Variants in HELZ2 observed in about 807,000 individuals in gnomAD.
The protein encoded by HELZ2 is 3'-5' exoribonuclease HELZ2.
Under a neutral mutation model 208.8 loss-of-function variants are expected in HELZ2, and 143 were observed. The ratio of observed to expected loss-of-function variants is 0.68; its 90% CI spans 0.60 to 0.79. The LOEUF (loss-of-function observed/expected upper bound fraction) is 0.79. Among genes scored for constraint, HELZ2 ranks in the 30% least tolerant of loss-of-function variants. HELZ2 has a pLI of 0.00. For missense variants in HELZ2, 3,690 were observed against 3,794.5 expected (o/e 0.97, Z 0.72); for synonymous variants, 1,705 against 1,693.7 (o/e 1.01, Z -0.16).
exon 8 of HELZ2, chr20:63,564,769 G>A: frequency 6.2e-7 from 1 of 1,612,010 alleles, no homozygotes; most frequent in South Asian, 1.1e-5. Flanking sequence ...CATCGAGGTT[G>A]CAGGCGCCCT....
chr20:63,562,938 C>A, exon 8 of HELZ2: 1 of 1,591,730 alleles, frequency 6.3e-7, no homozygotes, highest in South Asian at 1.1e-5. Flanking sequence ...GTGACGGAGT[C>A]ATTCTCGGCA....
intron 6 of HELZ2, among the ~76,000 whole-genome samples, 177 bp downstream of exon 7, chr20:63,566,667 C>A (rs1486367132): frequency 1.3e-5 from 2 of 152,126 alleles, no homozygotes; most frequent in African/African-American, 2.4e-5. Context: ...GAGACGGCAC[C>A]CCCACCAAGC....
At chr20:63,568,516 C>A in exon 5 of HELZ2, 2 of 1,583,098 alleles carry the variant, frequency 1.3e-6, no homozygotes, top group Non-Finnish European at 1.7e-6. Context: ...CCGCGATGAG[C>A]GCCACGGCCA....
chr20:63,564,305 AAGCAGTCGGACC>A (rs2082923710), exon 8 of HELZ2: 3 of 1,604,216 alleles, frequency 1.9e-6, no homozygotes, highest in Non-Finnish European at 2.5e-6. Context: ...CTGCTCATAG[AAGCAGTCGGACC>A]GCAGGCGGTG....
At chr20:63,567,278 C>A (rs2082972413) in exon 6 of HELZ2, 1 of 1,609,398 alleles carries the variant, frequency 6.2e-7, no homozygotes, top group East Asian at 2.2e-5. Flanking sequence ...ATGTGGTCGC[C>A]CGCCAGCACG....
chr20:63,560,537 A>G (rs1311606470), exon 16 of HELZ2: 7 of 1,612,990 alleles, frequency 4.3e-6, no homozygotes, highest in Non-Finnish European at 4.2e-6. Flanking sequence ...GTCCGTGGAC[A>G]CCAGCAGGCT....
At chr20:63,568,915 C>T (rs139311285) in exon 5 of HELZ2, 1 of 1,610,324 alleles carries the variant, frequency 6.2e-7, no homozygotes, top group Non-Finnish European at 8.5e-7. Context: ...CCTCTGCGTA[C>T]AGTGCTCCCG....
At position 63,569,256 on chromosome 20, in the gene HELZ2, A is replaced by C. The variant is rs752853142; in HGVS notation, c.980T>G (p.Phe327Cys). The change falls in exon 4 of 19, where the codon TTC becomes TGC. Residue 327 changes from phenylalanine (F) to cysteine (C), a missense_variant. Coordinates refer to ENST00000467148, the Ensembl canonical transcript of HELZ2. ...GCCCGAGGCCACGCTGCTGCGGTTG[A>C]ACTCCAGGGCCAGGGCAGGGCCCTT... 2.5e-6 allele frequency: 4 copies of C among 1,572,232 alleles called. No individual in the cohort carries two copies. In the South Asian group the frequency reaches 3.5e-5, roughly 14 times the overall value.
chr20:63,561,060 C>G, intron 14 of HELZ2, 22 bp downstream of exon 15: 1 of 1,603,946 alleles, frequency 6.2e-7, no homozygotes, highest in Non-Finnish European at 8.5e-7. Context: ...GCTCATGCTG[C>G]CCACACCCCC....
At position 63,560,990 on chromosome 20, in the gene HELZ2, A is replaced by G. The variant is rs1290249615; in HGVS notation, c.7147-61T>C. On this transcript the variant is annotated intron_variant, in intron 14 of 18. Coordinates refer to ENST00000467148, the Ensembl canonical transcript of HELZ2. ...AGACCCAGAGGGACCCCAGCCCCAC[A>G]CGACACCCGCGTCTGCACACACAGG... is the stretch of plus-strand genomic sequence containing the variant. The G allele has an allele frequency of 3.1e-6, 5 of 1,598,240 alleles. No homozygotes were observed. In the African/African-American group the frequency reaches 6.7e-5, roughly 21 times the overall value.
At chr20:63,562,011 G>A in intron 10 of HELZ2, 27 bp from the exon 12 acceptor site, 1 of 1,595,830 alleles carries the variant, frequency 6.3e-7, no homozygotes, top group Non-Finnish European at 8.6e-7. Flanking sequence ...GGAGATTGTA[G>A]CCCACCCTGT....
exon 18 of HELZ2, chr20:63,560,010 G>A: frequency 6.2e-7 from 1 of 1,612,264 alleles, no homozygotes. Flanking sequence ...GAAACTTCTT[G>A]AGCCAGCTCT....
rs147031797 is a variant in HELZ2 at position 63,563,559 on chromosome 20, G to A, written c.5263C>T (p.Arg1755Trp). Residue 1755 changes from arginine (R) to tryptophan (W), a missense_variant, in exon 8 of 19, where the codon CGG becomes TGG. Arg to Trp is a moderately radical substitution (Grantham distance 101). Transcript: ENST00000467148. Reference sequence around the variant, plus strand: ...TCCCGGTTGCTGGGGAAGAGCAGCCGGAAGCAGCGGGAGCCCGCCTCCACG... The same window carrying A: ...TCCCGGTTGCTGGGGAAGAGCAGCCAGAAGCAGCGGGAGCCCGCCTCCACG... 6.4e-5 allele frequency: 97 copies of A among 1,520,810 alleles called. No homozygotes were observed. The highest frequency in any genetic ancestry group is 7.9e-5 in the Admixed American group (4 of 50,358). 94.2% of individuals were successfully genotyped at this position (1,520,810 alleles called of 1,614,324 possible). A position where few individuals can be genotyped will look rare whatever the true frequency, so the allele number is the denominator to read the frequency against.
rs371600411 is a variant in HELZ2 at position 63,569,572 on chromosome 20, G to A, written c.664C>T (p.Arg222Trp). The A allele has an allele frequency of 4.5e-5, 72 of 1,593,462 alleles. No individual in the cohort carries two copies. Among genetic ancestry groups the A allele is most frequent in the African/African-American group, 3.4e-4 (25 of 74,506 alleles). The change falls in exon 4 of 19, where the codon CGG becomes TGG. Residue 222 changes from arginine (R) to tryptophan (W), a missense_variant. By Grantham distance (101) the Arg-to-Trp change is moderately radical. Around this residue, in one of 3 missense-constraint regions of HELZ2, gnomAD observed 1,119 missense variants for 1,193.4 expected, o/e 0.94. Coordinates refer to ENST00000467148, the Ensembl canonical transcript of HELZ2. ...CTGGGCACACGGAAGCGCTCACCCCGTGCGTAGAGCCGGCCTGGCGGGAGG... is the reference window on the plus strand; with the variant it reads ...CTGGGCACACGGAAGCGCTCACCCCATGCGTAGAGCCGGCCTGGCGGGAGG...
In HELZ2 at chr20:63,561,991, C is replaced by G. The variant is rs1367550937; in HGVS notation, c.6530-7G>C. The G allele has an allele frequency of 1.3e-6, 2 of 1,592,200 alleles. No individual in the cohort carries two copies. Among genetic ancestry groups the G allele is most frequent in the Non-Finnish European group, 8.6e-7 (1 of 1,166,350 alleles). ...ACGATCGTCTTCCCTGTACCTGCAG[C>G]CAGAGAATAGGAGATTGTAGCCCAC... On this transcript the variant is annotated splice_region_variant and splice_polypyrimidine_tract_variant and intron_variant, in intron 10 of 18. Transcript: ENST00000467148.
chr20:63,562,716 C>A, exon 8 of HELZ2: 1 of 1,601,444 alleles, frequency 6.2e-7, no homozygotes, highest in African/African-American at 1.3e-5. Context: ...GTGCCGGGGT[C>A]AACATTCAGG....
rs770693647 is a variant in HELZ2 at position 63,561,836 on chromosome 20, C to T, written c.6678G>A (p.Val2226=). ...ACCCCGGCGCACCTGCCAGGACATC[C>T]ACCGACTTGTTGGAGGGGCCGCAGT... is the stretch of plus-strand genomic sequence containing the variant. The change falls in exon 11 of 19, where the codon GTG becomes GTA. Residue 2226 remains valine, a synonymous_variant. Transcript: ENST00000467148. 21 of 1,563,764 alleles carry T rather than the reference C, an allele frequency of 1.3e-5. 1 individual carries two copies. The highest frequency in any genetic ancestry group is 1.3e-4 in the South Asian group (11 of 86,376).
chr20:63,565,460 A>T (rs947009632), exon 8 of HELZ2: 2 of 1,608,436 alleles, frequency 1.2e-6, no homozygotes, highest in African/African-American at 2.7e-5. Flanking sequence ...CGCGTGCAGC[A>T]GCTTCCGTAG....
chr20:63,563,624 A>G (rs781411975), exon 8 of HELZ2: 1 of 1,541,954 alleles, frequency 6.5e-7, no homozygotes, highest in Non-Finnish European at 8.7e-7. Context: ...CTGGGCCTTG[A>G]GCTGCACGGC....
Sources: gnomAD v4.1 joint callset for allele counts (sites outside exome capture counted in the v4.1 genomes callset) on GRCh38, gnomAD v4.1.1 for gene constraint, gnomAD v4.1.1 regional missense constraint, MANE v1.5 for transcripts, NCBI Gene and HGNC (gene_info 2026-07-23, HGNC 2026-07-21) for gene names.